The following TTC12 variants were observed in gnomAD, a reference collection of about 807,000 sequenced individuals.
The protein encoded by TTC12 is tetratricopeptide repeat domain 12, also known as tetratricopeptide repeat protein 12.
In TTC12, 70 loss-of-function variants were observed where a neutral mutation model predicts 90.1. That is an observed-to-expected ratio of 0.78 (90% confidence interval 0.64 to 0.95). TTC12 has a LOEUF of 0.95. Ranked by LOEUF, TTC12 falls within the 40% of genes least tolerant of loss-of-function variation. The probability of loss-of-function intolerance (pLI) is 0.00; values close to 1 mark genes in which losing one functional copy is unlikely to be tolerated. For missense variants in TTC12, 819 were observed against 846.1 expected (o/e 0.97, Z 0.40); for synonymous variants, 296 against 311.5 (o/e 0.95, Z 0.53).
At chr11:113,368,151 G>T (rs1168784185), downstream of TTC12, 11 of 1,356,428 alleles carry the variant, frequency 8.1e-6, no homozygotes, top group South Asian at 1.4e-4. Context: ...AAAGAGTGGG[G>T]AATGTCAAAT....
At chr11:113,318,598 A>T (rs1947100223) in intron 2 of TTC12, among the ~76,000 whole-genome samples, 1 of 142,700 alleles carries the variant, frequency 7.0e-6, no homozygotes, top group Non-Finnish European at 1.6e-5. Context: ...TAGCTTCAAC[A>T]TGTGAATTTT....
intron 2 of TTC12, among the ~76,000 whole-genome samples, chr11:113,319,039 G>A (rs1947126199): frequency 6.6e-6 from 1 of 152,110 alleles, no homozygotes; most frequent in South Asian, 2.1e-4. Flanking sequence ...AGTACAGTAT[G>A]GAAAGGGAGG....
At chr11:113,320,834 C>T (rs1947270868) in intron 2 of TTC12, among the ~76,000 whole-genome samples, 1 of 152,168 alleles carries the variant, frequency 6.6e-6, no homozygotes, top group Non-Finnish European at 1.5e-5. Context: ...ACAGGCAAGC[C>T]ACACCCCTGT....
At chr11:113,344,711 G>A (rs576183112) in intron 13 of TTC12, among the ~76,000 whole-genome samples, 1 of 152,306 alleles carries the variant, frequency 6.6e-6, no homozygotes, top group Admixed American at 6.5e-5. Flanking sequence ...CAGATCAGGA[G>A]CCCCACCTTA....
chr11:113,341,792 A>G, intron 11 of TTC12, 45 bp from the exon 12 acceptor site: 1 of 1,427,686 alleles, frequency 7.0e-7, no homozygotes, highest in Non-Finnish European at 9.9e-7. Flanking sequence ...GAAAATCAAG[A>G]CTGATTTTCA....
At chr11:113,341,979 A>G (rs1948712560) in intron 12 of TTC12, 54 bp downstream of exon 12, 1 of 1,486,436 alleles carries the variant, frequency 6.7e-7, no homozygotes, top group Non-Finnish European at 9.4e-7. Flanking sequence ...TGCAGGAACT[A>G]CGCTGTTGGG....
chr11:113,320,186 G>A (rs1436083810), intron 2 of TTC12, among the ~76,000 whole-genome samples: 1 of 152,122 alleles, frequency 6.6e-6, no homozygotes, highest in Non-Finnish European at 1.5e-5. Context: ...ATAGAAGAGG[G>A]TGGTTCCCTG....
chr11:113,352,251 G>C (rs782680388), intron 16 of TTC12, 44 bp downstream of exon 16: 32 of 1,612,846 alleles, frequency 2.0e-5, no homozygotes, highest in Non-Finnish European at 2.6e-5. Flanking sequence ...ATCCTCTTTG[G>C]GGGCATTAGC....
At chr11:113,362,028 A>C (rs1249004058) in intron 18 of TTC12, among the ~76,000 whole-genome samples, 1 of 152,146 alleles carries the variant, frequency 6.6e-6, no homozygotes, top group South Asian at 2.1e-4. Context: ...ACAAAAGACA[A>C]AGATTCGAAA....
chr11:113,315,333 A>G (rs1391567217), intron 1 of TTC12: 5 of 152,258 alleles, frequency 3.3e-5, no homozygotes, highest in Non-Finnish European at 7.3e-5. Context: ...GAGGTTGTGA[A>G]TTTAGCCAGA....
chr11:113,337,217 C>T (rs1360546851), intron 8 of TTC12, among the ~76,000 whole-genome samples: 2 of 152,178 alleles, frequency 1.3e-5, no homozygotes, highest in Non-Finnish European at 2.9e-5. Flanking sequence ...ATGTGTCAGA[C>T]ACTGTTAATA....
At chr11:113,344,240 T>G in intron 12 of TTC12, 32 bp from the exon 13 acceptor site, 1 of 1,585,584 alleles carries the variant, frequency 6.3e-7, no homozygotes, top group Non-Finnish European at 8.6e-7. Context: ...CATGATGGCA[T>G]GCACAAGACA....
At chr11:113,363,254 A>G (rs576191842) in intron 19 of TTC12, among the ~76,000 whole-genome samples, 1 of 152,358 alleles carries the variant, frequency 6.6e-6, no homozygotes, top group African/African-American at 2.4e-5. Flanking sequence ...AATGACTGTC[A>G]TTCATTATAA....
rs1555147318 is a variant in TTC12 at position 113,344,366 on chromosome 11, CTT to C, written c.1082_1083del (p.Phe361CysfsTer10). On this transcript the variant is annotated frameshift_variant, in exon 13 of 22. Transcript: ENST00000529221. LOFTEE classifies it high-confidence loss of function. ...AGGTCCTGGCCATCCGGCAGCAGAGCTTTGCCCTGCTGCTGCATCTCGCCCAG... is the reference window on the plus strand; with the variant it reads ...AGGTCCTGGCCATCCGGCAGCAGAGCTGCCCTGCTGCTGCATCTCGCCCAG... The part of the protein sequence containing the change: ...SKVLAIRQQS[F>X]ALLLHLAQTE... 6.2e-7 allele frequency: 1 copy of C among 1,614,234 alleles called. No individual in the cohort carries two copies. The highest frequency in any genetic ancestry group is 1.3e-5 in the African/African-American group (1 of 75,076).
chr11:113,319,513 C>T (rs2137909990), intron 2 of TTC12, among the ~76,000 whole-genome samples: 1 of 151,984 alleles, frequency 6.6e-6, no homozygotes, highest in Admixed American at 6.5e-5. Flanking sequence ...GTATTTAATC[C>T]TAGGAAGACT....
chr11:113,363,056 A>G (rs2138079217), intron 19 of TTC12, among the ~76,000 whole-genome samples: 1 of 152,236 alleles, frequency 6.6e-6, no homozygotes, highest in East Asian at 1.9e-4. Flanking sequence ...CTGCCATCTC[A>G]GAATCCCACC....
At chr11:113,343,527 G>A (rs1948790654) in intron 12 of TTC12, among the ~76,000 whole-genome samples, 1 of 152,210 alleles carries the variant, frequency 6.6e-6, no homozygotes, top group South Asian at 2.1e-4. Context: ...CCTGGTGTGT[G>A]TCTTCTACTG....
chr11:113,365,727 C>T (rs1950170165), intron 21 of TTC12, among the ~76,000 whole-genome samples: 1 of 152,104 alleles, frequency 6.6e-6, no homozygotes, highest in South Asian at 2.1e-4. Flanking sequence ...AGCAAAGGAG[C>T]CCTGGCATAG....
At chr11:113,358,416 C>A (rs1397376762) in intron 16 of TTC12, among the ~76,000 whole-genome samples, 1 of 152,164 alleles carries the variant, frequency 6.6e-6, no homozygotes, top group African/African-American at 2.4e-5. Flanking sequence ...CAGGCATGGT[C>A]TGCCAGTGCA....
Sources: gnomAD v4.1 joint callset for allele counts (sites outside exome capture counted in the v4.1 genomes callset) on GRCh38, gnomAD v4.1.1 for gene constraint, MANE v1.5 for transcripts, NCBI Gene and HGNC (gene_info 2026-07-23, HGNC 2026-07-21) for gene names.